The following CENPF variants were observed in gnomAD, a reference collection of about 807,000 sequenced individuals.
CENPF encodes the protein AH antigen.
A neutral mutation model predicts 307.3 loss-of-function variants in CENPF; 214 were observed. The ratio of observed to expected loss-of-function variants is 0.70; its 90% CI spans 0.62 to 0.78. The LOEUF is 0.78. Ranked by LOEUF, CENPF falls within the 30% of genes least tolerant of loss-of-function variation. The pLI is 0.00. For missense variants in CENPF, 3,401 were observed against 3,483.9 expected (o/e 0.98, Z 0.60); for synonymous variants, 1,259 against 1,270.6 (o/e 0.99, Z 0.19).
At chr1:214,647,613 TG>T (rs1171740913) in intron 13 of CENPF, among the ~76,000 whole-genome samples, 3 of 152,204 alleles carry the variant, frequency 2.0e-5, no homozygotes, top group African/African-American at 7.2e-5. Context: ...CTTTGGGACA[TG>T]TTCATGGATT....
chr1:214,644,501 T>C (rs1658223331), intron 12 of CENPF, 56 bp from the exon 13 acceptor site: 2 of 1,476,154 alleles, frequency 1.4e-6, no homozygotes, highest in Admixed American at 2.3e-5. Flanking sequence ...AAATCTATTC[T>C]ATTTTGATTC....
Position 214,650,999 on chromosome 1 carries a change from G to C in CENPF, c.7984-711G>C, listed in dbSNP as rs78720635. On this transcript the variant is annotated intron_variant, in intron 14 of 19. Coordinates refer to ENST00000366955, the MANE Select transcript of CENPF (RefSeq NM_016343.4). ...CAGCCCCAGATACTACTTAGATGTC[G>C]ATTGAGATGAGCTTAGAAGAATGTG... is the stretch of plus-strand genomic sequence containing the variant. Among the ~76,000 whole-genome samples, 593 of 152,318 alleles carry C rather than the reference G, an allele frequency of 3.9e-3. 9 individuals carry two copies. The highest frequency in any genetic ancestry group is 0.013 in the African/African-American group (547 of 41,574).
intron 1 of CENPF, among the ~76,000 whole-genome samples, chr1:214,610,802 T>C (rs920187543): frequency 2.6e-5 from 4 of 152,186 alleles, no homozygotes; most frequent in African/African-American, 9.7e-5. Context: ...TCTTCTGTGG[T>C]TTTTATAGTT....
At chr1:214,615,445 C>A (rs1013190889) in intron 3 of CENPF, among the ~76,000 whole-genome samples, 1 of 151,946 alleles carries the variant, frequency 6.6e-6, no homozygotes, top group East Asian at 1.9e-4. Context: ...ATAAAACTAT[C>A]GACAGCTGTT....
chr1:214,632,514 T>C lies in CENPF; in HGVS notation c.1358T>C (p.Leu453Ser). The change falls in exon 10 of 20, where the codon TTG (leucine) becomes TCG (serine). Residue 453 changes from leucine to serine, a missense_variant. Leu to Ser is a moderately radical substitution (Grantham distance 145). Coordinates refer to ENST00000366955, the MANE Select transcript of CENPF (RefSeq NM_016343.4). ...TSVKQQLENN[L>S]EEFKQKLCRA... The stretch of plus-strand genomic sequence containing the variant: ...GTAAAGCAACAGCTAGAAAACAATT[T>C]GGAAGAGTTTAAGCAAAAGTTGTGC... The C allele has an allele frequency of 6.2e-7, 1 of 1,614,064 alleles. No homozygotes were observed. The highest frequency in any genetic ancestry group is 8.5e-7 in the Non-Finnish European group (1 of 1,179,960).
chr1:214,648,895 C>T (rs1658385634), intron 14 of CENPF, 68 bp downstream of exon 14: 12 of 1,461,714 alleles, frequency 8.2e-6, no homozygotes, highest in African/African-American at 1.4e-5. Flanking sequence ...CTTATTGGTT[C>T]CTGTAAGACC....
intron 13 of CENPF, chr1:214,648,416 G>A: frequency 1.6e-6 from 1 of 613,578 alleles, no homozygotes. Context: ...AAGATTTTAA[G>A]ACTTAGGGAT....
At chr1:214,663,468 C>T in intron 19 of CENPF, 123 bp from the exon 20 acceptor site, 1 of 960,200 alleles carries the variant, frequency 1.0e-6, no homozygotes, top group South Asian at 1.6e-5. Flanking sequence ...GGAAATACTT[C>T]AATTATATAT....
intron 16 of CENPF, chr1:214,653,794 G>A (rs1484586323): frequency 6.6e-6 from 1 of 152,122 alleles, no homozygotes; most frequent in East Asian, 1.9e-4. Flanking sequence ...ATACAAAGTA[G>A]TAAAATTCAA....
chr1:214,651,659 G>A, intron 14 of CENPF, 51 bp from the exon 15 acceptor site: 1 of 1,358,300 alleles, frequency 7.4e-7, no homozygotes, highest in Non-Finnish European at 1.0e-6. Context: ...ATATTTCCAG[G>A]TTCTTAATTA....
intron 10 of CENPF, among the ~76,000 whole-genome samples, chr1:214,633,732 C>T (rs773607601): frequency 7.8e-5 from 11 of 141,062 alleles, no homozygotes; most frequent in Non-Finnish European, 1.3e-4. Context: ...GCAGCTCCAG[C>T]CACAAAGTGG....
intron 11 of CENPF, among the ~76,000 whole-genome samples, chr1:214,638,448 A>G (rs564906691): frequency 2.2e-4 from 34 of 152,142 alleles, no homozygotes; most frequent in Non-Finnish European, 4.7e-4. Context: ...TTTTTTGATG[A>G]CTTACTTGAC....
At chr1:214,610,317 A>G (rs904821486) in intron 1 of CENPF, among the ~76,000 whole-genome samples, 1 of 152,214 alleles carries the variant, frequency 6.6e-6, no homozygotes, top group Non-Finnish European at 1.5e-5. Flanking sequence ...CCAAAAGTGT[A>G]TAAGTGTTCC....
chr1:214,606,958 G>A (rs918279523), intron 1 of CENPF, among the ~76,000 whole-genome samples: 4 of 152,258 alleles, frequency 2.6e-5, no homozygotes, highest in Admixed American at 1.3e-4. Flanking sequence ...GGGCAGGTGT[G>A]CGTCCCCTCT....
In CENPF at chr1:214,659,505, ATCTC is replaced by A. The variant is rs1278806041; in HGVS notation, c.9141+481_9141+484del. On this transcript the variant is annotated intron_variant, in intron 19 of 19. Coordinates refer to ENST00000366955, the MANE Select transcript of CENPF (RefSeq NM_016343.4). The surrounding 1 kb of genome is among the most constrained non-coding windows in gnomAD (Gnocchi z 4.4). ...CTAAGGAAAGGAACTCTGTTTATAGATCTCTCTATTTTGATTGTTGAGGATACAA... is the reference window on the plus strand; with the variant it reads ...CTAAGGAAAGGAACTCTGTTTATAGATCTATTTTGATTGTTGAGGATACAA... Among the ~76,000 whole-genome samples, 7 of 151,916 alleles carry A rather than the reference ATCTC, an allele frequency of 4.6e-5. No individual in the cohort carries two copies. Among genetic ancestry groups the A allele is most frequent in the Admixed American group, 2.6e-4 (4 of 15,252 alleles).
rs754831477 is a variant in CENPF, at chr1:214,645,345, A to C, written c.5775A>C (p.Leu1925Phe). 9 of 1,614,060 alleles carry C rather than the reference A, an allele frequency of 5.6e-6. No individual in the cohort carries two copies. The South Asian group carries it at 8.8e-5, about 16-fold the overall frequency. Residue 1925 changes from leucine (L) to phenylalanine (F), a missense_variant, in exon 13 of 20, where the codon TTA becomes TTC. By Grantham distance (22) the Leu-to-Phe change is conservative (BLOSUM62 0). Transcript: ENST00000366955. ...EHEALYLEAD[L>F]EVVQTEKLCL... ...AAGCCCTCTACCTGGAGGCTGACTTAGAGGTAGTTCAAACAGAGAAGCTAT... is the reference window on the plus strand; with the variant it reads ...AAGCCCTCTACCTGGAGGCTGACTTCGAGGTAGTTCAAACAGAGAAGCTAT...
At chr1:214,629,821 G>C (rs1387932125) in intron 8 of CENPF, among the ~76,000 whole-genome samples, 1 of 152,188 alleles carries the variant, frequency 6.6e-6, no homozygotes, top group Non-Finnish European at 1.5e-5. Context: ...CAAAGTGCTG[G>C]GATTACAGGC....
Position 214,645,475 on chromosome 1 carries a change from ACTATGTC to A in CENPF, c.5906_5912del (p.Thr1969LysfsTer14). ...AAACCAGCTTCGTGGAGAATTAGATACTATGTCAAAAAAAACCACGGCACTGGATCAG... is the reference window on the plus strand; with the variant it reads ...AAACCAGCTTCGTGGAGAATTAGATAAAAAAAAACCACGGCACTGGATCAG... On this transcript the variant is annotated frameshift_variant, in exon 13 of 20. Coordinates refer to ENST00000366955, the MANE Select transcript of CENPF (RefSeq NM_016343.4). LOFTEE classifies it high-confidence loss of function. 1 of 1,613,944 alleles carries A rather than the reference ACTATGTC, an allele frequency of 6.2e-7. No individual in the cohort carries two copies. The highest frequency in any genetic ancestry group is 2.2e-5 in the East Asian group (1 of 44,874).
chr1:214,644,527 A>G, intron 12 of CENPF, 30 bp from the exon 13 acceptor site: 1 of 1,522,026 alleles, frequency 6.6e-7, no homozygotes, highest in Non-Finnish European at 8.8e-7. Flanking sequence ...GAAAAATAAA[A>G]TGCATGCTTG....
Sources: gnomAD v4.1 joint callset for allele counts (sites outside exome capture counted in the v4.1 genomes callset) on GRCh38, gnomAD v4.1.1 for gene constraint, Gnocchi (gnomAD v3.1) non-coding constraint, MANE v1.5 for transcripts, NCBI Gene and HGNC (gene_info 2026-07-23, HGNC 2026-07-21) for gene names.